The following FBXL19 variants were observed in gnomAD, a reference collection of about 807,000 sequenced individuals.
FBXL19 encodes F-box and leucine rich repeat protein 19.
Under a neutral mutation model 71.2 loss-of-function variants are expected in FBXL19, and 16 were observed. That is an observed-to-expected ratio of 0.22 (90% CI 0.15 to 0.34). FBXL19 has a LOEUF of 0.34. Ranked by LOEUF, FBXL19 falls within the 10% of genes least tolerant of loss-of-function variation. The pLI is 1.00. For missense variants in FBXL19, 658 were observed against 968.2 expected (o/e 0.68, Z 4.25); for synonymous variants, 447 against 409.4 (o/e 1.09, Z -1.11).
intron 7 of FBXL19, among the ~76,000 whole-genome samples, chr16:30,934,362 C>CAAA (rs1028622670): frequency 7.6e-6 from 1 of 131,946 alleles, no homozygotes. Context: ...AACTCCATCT[C>CAAA]AAAAAAAAAA....
chr16:30,927,272 C>T (rs762322417), intron 2 of FBXL19, 36 bp from the exon 3 acceptor site: 28 of 1,526,812 alleles, frequency 1.8e-5, no homozygotes, highest in Non-Finnish European at 2.4e-5. Flanking sequence ...CTGTTGTTAG[C>T]TTTCGGGGCC....
rs138012010 is a variant in FBXL19 at position 30,946,586 on chromosome 16, T to C, written c.1628-144T>C. ...GGAGTGGACAGATGAGGTCAGGCCA[T>C]GAGGGTGTTTTTGAGAAGAGCAAGC... On this transcript the variant is annotated intron_variant, in intron 9 of 10. Coordinates refer to ENST00000338343, the MANE Select transcript of FBXL19 (RefSeq NM_001382779.1). This position sits in a 1 kb window ranked among gnomAD's most constrained non-coding sequence, Gnocchi z 6.7. The C allele has an allele frequency of 1.7e-4, 120 of 708,348 alleles. No individual in the cohort carries two copies. The Middle Eastern group carries it at 3.2e-3, about 19-fold the overall frequency. 43.9% of individuals were successfully genotyped at this position (708,348 alleles called of 1,614,324 possible).
In FBXL19 at chr16:30,948,531, A is replaced by G. The variant is rs1423943623; in HGVS notation, c.*1301A>G. 4 of 139,452 alleles carry G rather than the reference A, an allele frequency of 2.9e-5. No homozygotes were observed. Among genetic ancestry groups the G allele is most frequent in the Admixed American group, 1.5e-4 (2 of 13,752 alleles). 8.6% of individuals were successfully genotyped at this position (139,452 alleles called of 1,614,324 possible). On this transcript the variant is annotated 3_prime_UTR_variant, in exon 11 of 11. Transcript: ENST00000338343. ...GCAGGCCTCCGGGGGGCCGGGGCTT[A>G]CCATGTAGGGGAGGGGAGATCTATC...
In FBXL19 at chr16:30,927,776, C is replaced by G; in HGVS notation, c.440C>G (p.Ala147Gly). The change falls in exon 5 of 11, where the codon GCC becomes GGC. Residue 147 changes from alanine (A) to glycine (G), a missense_variant. Physicochemically the swap from Ala to Gly is moderately conservative, Grantham distance 60. Coordinates refer to ENST00000338343, the MANE Select transcript of FBXL19 (RefSeq NM_001382779.1). ...DSGEGPGRRR[A>G]DNGEEGASLG... ...GGTGAGGGGCCTGGCCGCCGTAGGG[C>G]CGACAACGGCGAGGAGGGCGCCAGC... 6.4e-7 allele frequency: 1 copy of G among 1,556,878 alleles called. No homozygotes were observed. The highest frequency in any genetic ancestry group is 8.7e-7 in the Non-Finnish European group (1 of 1,150,986).
rs2055816700 is a variant in FBXL19, at chr16:30,942,764, A to G, written c.1627+228A>G. On this transcript the variant is annotated intron_variant, in intron 9 of 10. Transcript: ENST00000338343. The surrounding 1 kb of genome is among the most constrained non-coding windows in gnomAD (Gnocchi z 5.7). ...ACAGGGTTTTCCCAGGGAGTGTGAG[A>G]CTCAGCAGTTTGGTGGGGCAGGAGG... 6.6e-6 allele frequency among the ~76,000 whole-genome samples: 1 copy of G among 152,174 alleles called. No homozygotes were observed. Among genetic ancestry groups the G allele is most frequent in the Admixed American group, 6.5e-5 (1 of 15,272 alleles).
At chr16:30,934,873 C>T (rs1412877345) in intron 7 of FBXL19, among the ~76,000 whole-genome samples, 1 of 152,096 alleles carries the variant, frequency 6.6e-6, no homozygotes, top group Non-Finnish European at 1.5e-5. Flanking sequence ...GAAAGATACA[C>T]GTTTGGGAGT....
At chr16:30,929,947 A>G (rs2055650020) in intron 6 of FBXL19, 126 bp from the exon 7 acceptor site, 6 of 1,306,694 alleles carry the variant, frequency 4.6e-6, no homozygotes, top group Non-Finnish European at 6.3e-6. Context: ...CACTGTCCGG[A>G]GCAGAGCCAG....
chr16:30,925,880 CG>C lies in FBXL19; in HGVS notation c.132del (p.Arg47AlafsTer2). ...CHFCRDMKKF[G>X]GPGRMKQSCL... ...ACTTCTGCCGAGACATGAAGAAGTTCGGGGGGCCCGGGCGCATGAAGCAGTC... is the reference window on the plus strand; with the variant it reads ...ACTTCTGCCGAGACATGAAGAAGTTCGGGGGCCCGGGCGCATGAAGCAGTC... On this transcript the variant is annotated frameshift_variant, in exon 2 of 11. Coordinates refer to ENST00000338343, the MANE Select transcript of FBXL19 (RefSeq NM_001382779.1). LOFTEE classifies it high-confidence loss of function. The surrounding 1 kb of genome is among the most constrained non-coding windows in gnomAD (Gnocchi z 5.0). 1.3e-6 allele frequency: 2 copies of C among 1,503,680 alleles called. No individual in the cohort carries two copies. Among genetic ancestry groups the C allele is most frequent in the Non-Finnish European group, 8.8e-7 (1 of 1,130,926 alleles). The allele number at this position is 1,503,680 out of a possible 1,614,324, so 93.1% of individuals were successfully genotyped here.
intron 2 of FBXL19, among the ~76,000 whole-genome samples, chr16:30,926,441 G>A (rs2055592144): frequency 6.6e-6 from 1 of 152,184 alleles, no homozygotes. Flanking sequence ...ATGGATGCGA[G>A]TGTGTCTACC....
intron 9 of FBXL19, among the ~76,000 whole-genome samples, chr16:30,943,357 T>C (rs1442454436): frequency 6.8e-6 from 1 of 146,320 alleles, no homozygotes; most frequent in African/African-American, 2.5e-5. Flanking sequence ...GCCTGGCTAA[T>C]TTTTTTGTAA....
rs1435567511 is a variant in FBXL19, at chr16:30,927,166, A to T, written c.178-142A>T. The T allele has an allele frequency of 1.7e-5, 14 of 817,478 alleles. No individual in the cohort carries two copies. The East Asian group carries it at 3.6e-4, about 21-fold the overall frequency. The allele number at this position is 817,478 out of a possible 1,614,324, so 50.6% of individuals were successfully genotyped here. A position where few individuals can be genotyped will look rare whatever the true frequency, so the allele number is the denominator to read the frequency against. On this transcript the variant is annotated intron_variant, in intron 2 of 10. Transcript: ENST00000338343. ...ATCAGTTGCTTGAGGTCACACTCCC[A>T]AAAGGAGCAAACTCAGGATCAGACC...
chr16:30,936,204 C>A (rs957545570), intron 7 of FBXL19, among the ~76,000 whole-genome samples: 4 of 152,166 alleles, frequency 2.6e-5, no homozygotes, highest in Non-Finnish European at 5.9e-5. Context: ...GATTTAGATC[C>A]CCATAGCTCA....
At chr16:30,928,013 C>T in intron 5 of FBXL19, 50 bp downstream of exon 5, 1 of 1,275,340 alleles carries the variant, frequency 7.8e-7, no homozygotes, top group Non-Finnish European at 1.1e-6. Context: ...ATTCTGGGAG[C>T]TGTAGTCCTG....
chr16:30,936,601 C>CTTTTTTTTTTTTTT (rs547272418), intron 7 of FBXL19, among the ~76,000 whole-genome samples: 8 of 118,172 alleles, frequency 6.8e-5, no homozygotes, highest in African/African-American at 1.3e-4. Flanking sequence ...AATTTTTTTT[C>CTTTTTTTTTTTTTT]TTTTTTTTTT....
intron 6 of FBXL19, 140 bp from the exon 7 acceptor site, chr16:30,929,933 C>T (rs776477121): frequency 1.4e-5 from 16 of 1,114,678 alleles, no homozygotes; most frequent in Non-Finnish European, 1.9e-5. Flanking sequence ...TTAGCAAGGT[C>T]TCTCACTGTC....
Position 30,927,854 on chromosome 16 carries a change from C to T in FBXL19, c.518C>T (p.Pro173Leu). Residue 173 changes from proline (P) to leucine (L), a missense_variant, in exon 5 of 11, where the codon CCC (proline) becomes CTC (leucine). By Grantham distance (98) the Pro-to-Leu change is moderately conservative. Around this residue, in one of 8 missense-constraint regions of FBXL19, gnomAD observed 447 missense variants for 515.4 expected, o/e 0.87. Transcript: ENST00000338343. Reference sequence around the variant, plus strand: ...GAGCCACCGCTTCCACCGCCCCCGCCCAGGCGCAAGGGCCCCCTGCCTGCC... The same window carrying T: ...GAGCCACCGCTTCCACCGCCCCCGCTCAGGCGCAAGGGCCCCCTGCCTGCC... ...TEEPPLPPPP[P>L]RRKGPLPAGP... 1.3e-6 allele frequency: 2 copies of T among 1,541,456 alleles called. No homozygotes were observed. The highest frequency in any genetic ancestry group is 1.7e-6 in the Non-Finnish European group (2 of 1,144,366).
At chr16:30,945,849 GAAA>G (rs11464927) in intron 9 of FBXL19, among the ~76,000 whole-genome samples, 6 of 86,816 alleles carry the variant, frequency 6.9e-5, no homozygotes, top group African/African-American at 2.3e-4. Flanking sequence ...CCGTCTCGGG[GAAA>G]AAAAAAAAAA....
rs1362865012 is a variant in FBXL19 at position 30,947,837 on chromosome 16, C to G, written c.*607C>G. 2.2e-6 allele frequency: 1 copy of G among 449,616 alleles called. No individual in the cohort carries two copies. Among genetic ancestry groups the G allele is most frequent in the Admixed American group, 2.4e-5 (1 of 41,714 alleles). The allele number at this position is 449,616 out of a possible 1,614,324, so 27.9% of individuals were successfully genotyped here. On this transcript the variant is annotated 3_prime_UTR_variant, in exon 11 of 11. Coordinates refer to ENST00000338343, the MANE Select transcript of FBXL19 (RefSeq NM_001382779.1). Reference sequence around the variant, plus strand: ...CCTTGGGGGTCACCTCTCTGCTTCCCCCCTCCCCAGGCTTCAGTTCCTTCC... The same window carrying G: ...CCTTGGGGGTCACCTCTCTGCTTCCGCCCTCCCCAGGCTTCAGTTCCTTCC...
chr16:30,930,159 G>T lies in FBXL19; in HGVS notation c.876G>T (p.Arg292=), dbSNP rs767923884. 2 of 1,613,448 alleles carry T rather than the reference G, an allele frequency of 1.2e-6. No individual in the cohort carries two copies. Among genetic ancestry groups the T allele is most frequent in the African/African-American group, 1.3e-5 (1 of 75,066 alleles). The change falls in exon 7 of 11, where the codon CGG becomes CGT. Residue 292 remains arginine (R), a synonymous_variant. Coordinates refer to ENST00000338343, the MANE Select transcript of FBXL19 (RefSeq NM_001382779.1). This position sits in a 1 kb window ranked among gnomAD's most constrained non-coding sequence, Gnocchi z 8.5. ...PQREKLERFK[R]MCQLLERVPD... Reference sequence around the variant, plus strand: ...GGGAGAAGCTAGAGCGTTTCAAGCGGATGTGCCAGCTGCTGGAACGGGTGC... The same window carrying T: ...GGGAGAAGCTAGAGCGTTTCAAGCGTATGTGCCAGCTGCTGGAACGGGTGC...
Sources: gnomAD v4.1 joint callset for allele counts (sites outside exome capture counted in the v4.1 genomes callset) on GRCh38, gnomAD v4.1.1 for gene constraint, gnomAD v4.1.1 regional missense constraint, Gnocchi (gnomAD v3.1) non-coding constraint, MANE v1.5 for transcripts, NCBI Gene and HGNC (gene_info 2026-07-23, HGNC 2026-07-21) for gene names.